The following ZC3H12B variants were observed in gnomAD, a reference collection of about 807,000 sequenced individuals.
ZC3H12B encodes probable ribonuclease ZC3H12B.
A neutral mutation model predicts 43.9 loss-of-function variants in ZC3H12B; 7 were observed. The ratio of observed to expected loss-of-function variants is 0.16; its 90% CI spans 0.09 to 0.30. The LOEUF (loss-of-function observed/expected upper bound fraction) is 0.30. ZC3H12B is among the 10% of genes least tolerant of loss of function. The pLI is 1.00. For missense variants in ZC3H12B, 475 were observed against 670.2 expected, an observed-to-expected ratio of 0.71 and a Z score of 3.22; for synonymous variants, 222 against 241.7, an observed-to-expected ratio of 0.92 and a Z score of 0.76.
chrX:65,324,618 TG>T, the ZC3H12B span, among the ~76,000 whole-genome samples: 14 of 111,600 alleles, frequency 1.3e-4, no homozygotes, highest in East Asian at 3.6e-3. Flanking sequence ...AAATTTCTTC[TG>T]TTATTGATTT....
chrX:65,047,442 A>G, the ZC3H12B span, among the ~76,000 whole-genome samples: 1 of 110,593 alleles, frequency 9.0e-6, no homozygotes, highest in African/African-American at 3.3e-5. Flanking sequence ...GTGTGTGTGT[A>G]TAGCTCTACT....
chrX:65,451,663 A>G (rs1049890480), intron 3 of ZC3H12B, among the ~76,000 whole-genome samples: 10 of 111,886 alleles, frequency 8.9e-5, no homozygotes, highest in Non-Finnish European at 1.9e-4. Flanking sequence ...GTTATATATG[A>G]AAAAGCAGCT....
intron 2 of ZC3H12B, among the ~76,000 whole-genome samples, chrX:65,377,664 A>T (rs935017744): frequency 8.9e-6 from 1 of 111,907 alleles, no homozygotes; most frequent in Non-Finnish European, 1.9e-5. Flanking sequence ...AACCAAAAAA[A>T]AATTCTTCAA....
the ZC3H12B span, among the ~76,000 whole-genome samples, chrX:65,125,165 G>C: frequency 9.0e-6 from 1 of 110,912 alleles, no homozygotes; most frequent in African/African-American, 3.3e-5. Flanking sequence ...GTAACCCAGA[G>C]GTTTTGGTAA....
the ZC3H12B span, among the ~76,000 whole-genome samples, chrX:65,168,992 G>A: frequency 2.7e-5 from 3 of 110,913 alleles, no homozygotes; most frequent in African/African-American, 9.8e-5. Flanking sequence ...ACAAATCCTG[G>A]AGTCATTGAT....
chrX:65,275,003 TC>T, the ZC3H12B span, among the ~76,000 whole-genome samples: 1 of 111,937 alleles, frequency 8.9e-6, no homozygotes, highest in East Asian at 2.8e-4. Flanking sequence ...CAGCAGTGTA[TC>T]CATATTCCAT....
the ZC3H12B span, among the ~76,000 whole-genome samples, chrX:65,148,704 G>A: frequency 1.8e-5 from 2 of 111,700 alleles, no homozygotes; most frequent in East Asian, 5.7e-4. Flanking sequence ...GGATTACATG[G>A]ATAATGCATA....
At chrX:65,374,270 C>CTATATATA (rs57169099) in intron 2 of ZC3H12B, among the ~76,000 whole-genome samples, 1 of 78,805 alleles carries the variant, frequency 1.3e-5, no homozygotes, top group African/African-American at 5.1e-5. Flanking sequence ...GTAATATATA[C>CTATATATA]TATATATATA....
At chrX:65,229,654 C>T in the ZC3H12B span, among the ~76,000 whole-genome samples, 1 of 102,858 alleles carries the variant, frequency 9.7e-6, no homozygotes, top group Non-Finnish European at 2.0e-5. Context: ...GGGCTAATAT[C>T]CAGAATCTAC....
At chrX:65,119,834 G>C in the ZC3H12B span, among the ~76,000 whole-genome samples, 1 of 111,885 alleles carries the variant, frequency 8.9e-6, no homozygotes, top group Non-Finnish European at 1.9e-5. Flanking sequence ...TAAGGTGTAA[G>C]GAAGGGATCC....
chrX:65,151,346 G>A, the ZC3H12B span, among the ~76,000 whole-genome samples: 1 of 112,117 alleles, frequency 8.9e-6, no homozygotes, highest in Non-Finnish European at 1.9e-5. Flanking sequence ...ACTCGAAAAT[G>A]TGGAGACTTC....
At chrX:65,227,145 C>T in the ZC3H12B span, among the ~76,000 whole-genome samples, 2 of 111,551 alleles carry the variant, frequency 1.8e-5, no homozygotes, top group Non-Finnish European at 3.8e-5. Context: ...AAGCTCTCCT[C>T]AGCAAATGTA....
intron 3 of ZC3H12B, chrX:65,470,056 C>A: frequency 8.5e-6 from 1 of 118,193 alleles, no homozygotes; most frequent in South Asian, 2.7e-4. Context: ...ATGTCTGTAC[C>A]CATACCCAAC....
the ZC3H12B span, among the ~76,000 whole-genome samples, chrX:65,325,554 A>G: frequency 9.0e-6 from 1 of 111,284 alleles, no homozygotes; most frequent in African/African-American, 3.3e-5. Context: ...ACCAAAGCAA[A>G]TGATCTATAT....
intron 3 of ZC3H12B, among the ~76,000 whole-genome samples, chrX:65,472,846 A>ATG: frequency 1.3e-5 from 1 of 78,667 alleles, no homozygotes; most frequent in African/African-American, 7.7e-5. Context: ...ATATATATAT[A>ATG]TATATATATA....
chrX:65,190,290 TG>T, the ZC3H12B span, among the ~76,000 whole-genome samples: 3 of 110,938 alleles, frequency 2.7e-5, no homozygotes, highest in African/African-American at 9.9e-5. Flanking sequence ...GGCTCTTTTT[TG>T]GTTCCATATG....
At chrX:65,322,190 GGAAGTGCCA>G in the ZC3H12B span, among the ~76,000 whole-genome samples, 1 of 110,939 alleles carries the variant, frequency 9.0e-6, no homozygotes, top group African/African-American at 3.3e-5. Flanking sequence ...GAGATGGGAG[GGAAGTGCCA>G]GCTTCTCTTA....
chrX:65,294,401 C>T, the ZC3H12B span, among the ~76,000 whole-genome samples: 2 of 111,433 alleles, frequency 1.8e-5, no homozygotes, highest in African/African-American at 6.5e-5. Flanking sequence ...AATAGGACCT[C>T]ATAAAGGCAT....
the ZC3H12B span, among the ~76,000 whole-genome samples, chrX:65,081,079 T>A: frequency 2.7e-5 from 3 of 109,290 alleles, no homozygotes; most frequent in South Asian, 4.0e-4. Flanking sequence ...TAATGGATTA[T>A]AAGATAGTTT....
Sources: allele counts gnomAD v4.1 joint callset (sites outside exome capture counted in the v4.1 genomes callset), GRCh38; gene constraint gnomAD v4.1.1; transcripts MANE v1.5; gene names NCBI Gene and HGNC (gene_info 2026-07-23, HGNC 2026-07-21).